NOVA2: variants seen among roughly 807,000 people sequenced by gnomAD.
NOVA2 encodes NOVA alternative splicing regulator 2, also known as RNA-binding protein Nova-2.
In NOVA2, 9 loss-of-function variants were observed where a neutral mutation model predicts 22.5. The ratio of observed to expected loss-of-function variants is 0.40; its 90% CI spans 0.24 to 0.70. NOVA2 has a LOEUF of 0.70. Ranked by LOEUF, NOVA2 falls within the 30% of genes least tolerant of loss-of-function variation. The pLI is 0.38. For synonymous variants in NOVA2, 318 were observed against 335.2 expected (o/e 0.95, Z 0.56); for missense variants, 383 against 682.8 (o/e 0.56, Z 4.89).
Position 45,937,650 on chromosome 19 carries a change from G to T in NOVA2, c.*2213C>A, listed in dbSNP as rs1967675341. The T allele has an allele frequency of 6.6e-6, 1 of 152,010 alleles. No homozygotes were observed. Among genetic ancestry groups the T allele is most frequent in the Admixed American group, 6.5e-5 (1 of 15,268 alleles). 9.4% of individuals were successfully genotyped at this position (152,010 alleles called of 1,614,324 possible). On this transcript the variant is annotated 3_prime_UTR_variant, in exon 4 of 4. Coordinates refer to ENST00000263257, the MANE Select transcript of NOVA2 (RefSeq NM_002516.4). ...CATCTGGGTTCAGTCTGGAGATTAG[G>T]GGTGGGGCAACAACAATGGGAAGTG...
At position 45,973,237 on chromosome 19, in the gene NOVA2, C is replaced by G. The variant is rs781092131; in HGVS notation, c.85+30G>C. On this transcript the variant is annotated intron_variant, in intron 1 of 3. Transcript: ENST00000263257. ...AGAAAGGCGAGGCCCCCTGCCCGCT[C>G]CCCCGCCCCGAGCCGCAGCCCTTTC... is the stretch of plus-strand genomic sequence containing the variant. 796 of 1,395,256 alleles carry G rather than the reference C, an allele frequency of 5.7e-4. 1 individual carries two copies. Among genetic ancestry groups the G allele is most frequent in the Non-Finnish European group, 6.9e-4 (723 of 1,052,988 alleles). The allele number at this position is 1,395,256 out of a possible 1,614,324, so 86.4% of individuals were successfully genotyped here.
intron 2 of NOVA2, among the ~76,000 whole-genome samples, chr19:45,954,871 T>C (rs76089109): frequency 0.028 from 4,208 of 151,158 alleles, 127 homozygotes; most frequent in East Asian, 0.14. Flanking sequence ...TGTGTGTGTG[T>C]GTGTGTGTGT....
chr19:45,951,555 T>C (rs950825577), intron 3 of NOVA2, among the ~76,000 whole-genome samples: 1 of 151,578 alleles, frequency 6.6e-6, no homozygotes, highest in Non-Finnish European at 1.5e-5. Context: ...GAGTTGTAGG[T>C]TGCAGTGAGC....
chr19:45,953,361 G>A (rs764924881), intron 3 of NOVA2, among the ~76,000 whole-genome samples: 2 of 152,194 alleles, frequency 1.3e-5, no homozygotes, highest in Non-Finnish European at 2.9e-5. Context: ...GAGGGAAGGA[G>A]GATGAGAGGC....
intron 3 of NOVA2, among the ~76,000 whole-genome samples, chr19:45,950,741 A>C (rs115417079): frequency 6.6e-6 from 1 of 152,190 alleles, no homozygotes; most frequent in Non-Finnish European, 1.5e-5. Flanking sequence ...GTGATTTGCA[A>C]GCCCATGGAA....
intron 3 of NOVA2, among the ~76,000 whole-genome samples, chr19:45,952,320 T>C (rs753472455): frequency 5.9e-5 from 9 of 152,140 alleles, no homozygotes; most frequent in Non-Finnish European, 8.8e-5. Flanking sequence ...AAAATGAGGA[T>C]TGGAGAAATC....
At chr19:45,960,234 G>A (rs895166220) in intron 2 of NOVA2, among the ~76,000 whole-genome samples, 2 of 151,828 alleles carry the variant, frequency 1.3e-5, no homozygotes, top group African/African-American at 4.8e-5. Flanking sequence ...GCCCGCAGAG[G>A]AGGACCTCAG....
At chr19:45,947,175 G>A (rs973102708) in intron 3 of NOVA2, among the ~76,000 whole-genome samples, 1 of 151,898 alleles carries the variant, frequency 6.6e-6, no homozygotes, top group South Asian at 2.1e-4. Context: ...TCAAATCCAC[G>A]AGGTTAGAGA....
intron 1 of NOVA2, among the ~76,000 whole-genome samples, chr19:45,970,365 T>C (rs1968217350): frequency 7.9e-6 from 1 of 125,900 alleles, no homozygotes; most frequent in South Asian, 2.6e-4. Context: ...AGTATTATCC[T>C]TGTGTTTTTT....
At chr19:45,955,217 G>A (rs11666731) in intron 2 of NOVA2, among the ~76,000 whole-genome samples, 4 of 152,170 alleles carry the variant, frequency 2.6e-5, no homozygotes, top group Admixed American at 6.6e-5. Context: ...ACGTGTGTTT[G>A]TGAAAGTGAA....
chr19:45,942,457 A>C (rs917146297), intron 3 of NOVA2, among the ~76,000 whole-genome samples: 1 of 152,058 alleles, frequency 6.6e-6, no homozygotes, highest in African/African-American at 2.4e-5. Context: ...GAATCATGAG[A>C]TATAAATACC....
At chr19:45,956,703 G>A (rs760066912) in intron 2 of NOVA2, among the ~76,000 whole-genome samples, 3 of 152,144 alleles carry the variant, frequency 2.0e-5, no homozygotes, top group East Asian at 1.9e-4. Context: ...TGATCCACCC[G>A]CCTTGGTCTC....
chr19:45,964,179 C>CTTTTTTTTTTTT (rs10555207), intron 1 of NOVA2, among the ~76,000 whole-genome samples: 22 of 106,928 alleles, frequency 2.1e-4, no homozygotes, highest in South Asian at 9.3e-4. Flanking sequence ...TTTTCTTTTT[C>CTTTTTTTTTTTT]TTTTTTTTTT....
In NOVA2 at chr19:45,935,977, TAGGGCAG is replaced by T. The variant is rs1278903290; in HGVS notation, c.*3879_*3885del. ...CCAACTACAAGTCCAGGGTAGGCGT[TAGGGCAG>T]ATAGAAACGGCAAAATCATTGTCTT... On this transcript the variant is annotated 3_prime_UTR_variant, in exon 4 of 4. Transcript: ENST00000263257. 6.6e-6 allele frequency: 1 copy of T among 152,214 alleles called. No homozygotes were observed. Among genetic ancestry groups the T allele is most frequent in the Non-Finnish European group, 1.5e-5 (1 of 68,064 alleles). 9.4% of individuals were successfully genotyped at this position (152,214 alleles called of 1,614,324 possible).
chr19:45,971,419 C>T (rs991527348), intron 1 of NOVA2, among the ~76,000 whole-genome samples: 5 of 151,808 alleles, frequency 3.3e-5, no homozygotes, highest in East Asian at 1.9e-4. Flanking sequence ...GGAAGGAAGT[C>T]GGGGACATAT....
rs1319533664 is a variant in NOVA2, at chr19:45,940,921, T to G, written c.421A>C (p.Thr141Pro). ...KQAKLIVPNS[T>P]AGLIIGKGGA... ...CCCTTGCCGATGATCAGGCCCGCCG[T>G]GCTGTTGGGGACGATCAGCTTGGCC... The change falls in exon 4 of 4, where the codon ACG (threonine) becomes CCG (proline). Residue 141 changes from threonine to proline, a missense_variant. Around this residue, in one of 2 missense-constraint regions of NOVA2, gnomAD observed 349 missense variants for 578.1 expected, o/e 0.60. Transcript: ENST00000263257. The G allele has an allele frequency of 6.2e-7, 1 of 1,604,098 alleles. No homozygotes were observed. Among genetic ancestry groups the G allele is most frequent in the Non-Finnish European group, 8.5e-7 (1 of 1,179,634 alleles).
chr19:45,973,256 C>A lies in NOVA2; in HGVS notation c.85+11G>T. On this transcript the variant is annotated intron_variant, in intron 1 of 3. Coordinates refer to ENST00000263257, the MANE Select transcript of NOVA2 (RefSeq NM_002516.4). ...CCCGCTCCCCCGCCCCGAGCCGCAG[C>A]CCTTTCTCACCTCCCGTGTTGCTGC... is the stretch of plus-strand genomic sequence containing the variant. The A allele has an allele frequency of 6.9e-7, 1 of 1,453,520 alleles. No individual in the cohort carries two copies. The highest frequency in any genetic ancestry group is 9.1e-7 in the Non-Finnish European group (1 of 1,097,320). The allele number at this position is 1,453,520 out of a possible 1,614,324, so 90.0% of individuals were successfully genotyped here.
At chr19:45,949,342 A>T (rs8107925) in intron 3 of NOVA2, among the ~76,000 whole-genome samples, 3 of 146,498 alleles carry the variant, frequency 2.0e-5, no homozygotes, top group African/African-American at 7.6e-5. Context: ...AAAAAAAAAC[A>T]CCAGGAAAAA....
chr19:45,951,888 A>C (rs150886837), intron 3 of NOVA2, among the ~76,000 whole-genome samples: 1 of 152,118 alleles, frequency 6.6e-6, no homozygotes, highest in East Asian at 1.9e-4. Flanking sequence ...AATTTGGAAG[A>C]TGTGGTAGCA....
Sources: allele counts gnomAD v4.1 joint callset (sites outside exome capture counted in the v4.1 genomes callset), GRCh38; gene constraint gnomAD v4.1.1; regional missense constraint gnomAD v4.1.1; transcripts MANE v1.5; gene names NCBI Gene and HGNC (gene_info 2026-07-23, HGNC 2026-07-21).